Variants in GALNT13 observed in about 807,000 individuals in gnomAD.
The protein encoded by GALNT13 is polypeptide N-acetylgalactosaminyltransferase 13.
In GALNT13, 28 loss-of-function variants were observed where a neutral mutation model predicts 64.2. The observed-to-expected ratio is 0.44, with a 90% CI of 0.32 to 0.60. GALNT13 has a LOEUF of 0.60. GALNT13 is among the 20% of genes least tolerant of loss of function. The pLI is 0.05. For missense variants in GALNT13, 577 were observed against 669.8 expected (o/e 0.86, Z 1.53); for synonymous variants, 214 against 224.6 (o/e 0.95, Z 0.42).
At chr2:153,144,182 A>G in the GALNT13 span, among the ~76,000 whole-genome samples, 4 of 152,002 alleles carry the variant, frequency 2.6e-5, no homozygotes, top group East Asian at 7.8e-4. Context: ...ATCACCCTGC[A>G]TGAAAGACTG....
chr2:153,247,508 G>C, the GALNT13 span, among the ~76,000 whole-genome samples: 4 of 152,092 alleles, frequency 2.6e-5, no homozygotes, highest in Admixed American at 2.6e-4. Flanking sequence ...CAACTACATG[G>C]AAATTCAAAG....
intron 3 of GALNT13, among the ~76,000 whole-genome samples, chr2:153,966,404 C>T (rs111479745): frequency 6.7e-6 from 1 of 149,752 alleles, no homozygotes; most frequent in African/African-American, 2.5e-5. Flanking sequence ...CTTGCACTGT[C>T]GCCTAGGCTG....
chr2:154,435,885 T>A (rs1700941027), intron 11 of GALNT13: 2 of 152,156 alleles, frequency 1.3e-5, no homozygotes, highest in African/African-American at 4.8e-5. Context: ...ATTTTAATAA[T>A]GACAATTATG....
intron 2 of GALNT13, among the ~76,000 whole-genome samples, chr2:153,929,214 A>G (rs1165460284): frequency 1.3e-5 from 2 of 152,152 alleles, no homozygotes; most frequent in Non-Finnish European, 2.9e-5. Context: ...AATACCTCAC[A>G]GTACCTGCCT....
chr2:154,339,183 G>A (rs1158799945), intron 9 of GALNT13, among the ~76,000 whole-genome samples: 1 of 152,040 alleles, frequency 6.6e-6, no homozygotes, highest in African/African-American at 2.4e-5. Context: ...TACTGGTGTG[G>A]ATTTCTCATA....
Position 154,101,353 on chromosome 2 carries a change from G to C in GALNT13, c.143-38984G>C, listed in dbSNP as rs184685802. Among the ~76,000 whole-genome samples, 294 of 151,808 alleles carry C rather than the reference G, an allele frequency of 1.9e-3. 2 individuals are homozygous for C. The highest frequency in any genetic ancestry group is 6.4e-3 in the African/African-American group (267 of 41,396). On this transcript the variant is annotated intron_variant, in intron 3 of 12. Coordinates refer to ENST00000392825, the MANE Select transcript of GALNT13 (RefSeq NM_052917.4). ...AATGCTCATTCTTGCTCTTTTTAAG[G>C]TTTCTATTCCTTCTTTATTCTATCT...
chr2:153,880,670 A>G (rs1686721037), intron 1 of GALNT13, among the ~76,000 whole-genome samples: 1 of 152,176 alleles, frequency 6.6e-6, no homozygotes, highest in South Asian at 2.1e-4. Context: ...AAATAGGATT[A>G]TATATCACTT....
chr2:153,186,966 C>T, the GALNT13 span, among the ~76,000 whole-genome samples: 1 of 152,100 alleles, frequency 6.6e-6, no homozygotes, highest in Non-Finnish European at 1.5e-5. Flanking sequence ...GCTGAATTCC[C>T]TAAGTATTTG....
At chr2:153,245,761 C>T in the GALNT13 span, among the ~76,000 whole-genome samples, 7 of 152,160 alleles carry the variant, frequency 4.6e-5, no homozygotes, top group East Asian at 1.4e-3. Flanking sequence ...ATTGTAACTC[C>T]TCTCCAGCAA....
the GALNT13 span, among the ~76,000 whole-genome samples, chr2:153,641,009 A>C: frequency 1.3e-5 from 2 of 152,128 alleles, no homozygotes; most frequent in Non-Finnish European, 2.9e-5. Flanking sequence ...TATCTCTTTC[A>C]GCAGTTTTAG....
chr2:153,954,547 AAC>A, intron 3 of GALNT13, among the ~76,000 whole-genome samples: 2 of 151,734 alleles, frequency 1.3e-5, no homozygotes, highest in Non-Finnish European at 2.9e-5. Context: ...TGTCAGGAAT[AAC>A]AATTAATTAT....
intron 3 of GALNT13, among the ~76,000 whole-genome samples, chr2:154,042,763 G>C (rs923812912): frequency 4.7e-5 from 7 of 148,596 alleles, no homozygotes; most frequent in African/African-American, 1.7e-4. Context: ...TGAATGAAAG[G>C]AAACTTAAAA....
the GALNT13 span, among the ~76,000 whole-genome samples, chr2:153,142,152 A>T: frequency 6.6e-6 from 1 of 152,078 alleles, no homozygotes; most frequent in Non-Finnish European, 1.5e-5. Context: ...CAGTTCATCA[A>T]TTCTGCCATA....
chr2:154,301,483 A>C lies in GALNT13; in HGVS notation c.1050A>C (p.Pro350=). The change falls in exon 9 of 13, where the codon CCA becomes CCC. Residue 350 remains proline (P), a synonymous_variant. Transcript: ENST00000392825. Reference sequence around the variant, plus strand: ...GTCATGTTTTTCGGAAGGCAACTCCATACACTTTTCCTGGTGGCACTGGTC... The same window carrying C: ...GTCATGTTTTTCGGAAGGCAACTCCCTACACTTTTCCTGGTGGCACTGGTC... The part of the protein sequence containing the change: ...HVGHVFRKAT[P]YTFPGGTGHV... 6.2e-7 allele frequency: 1 copy of C among 1,613,954 alleles called. No individual in the cohort carries two copies. The highest frequency in any genetic ancestry group is 8.5e-7 in the Non-Finnish European group (1 of 1,179,862).
At chr2:153,079,696 G>A in the GALNT13 span, among the ~76,000 whole-genome samples, 3 of 152,148 alleles carry the variant, frequency 2.0e-5, no homozygotes, top group Non-Finnish European at 2.9e-5. Context: ...AATAATTTCA[G>A]CAGGCCCTAG....
At chr2:154,274,955 C>T (rs1691559158) in intron 8 of GALNT13, among the ~76,000 whole-genome samples, 1 of 152,020 alleles carries the variant, frequency 6.6e-6, no homozygotes, top group Non-Finnish European at 1.5e-5. Flanking sequence ...CTGAGGTGGT[C>T]TCAGAGATGG....
At chr2:154,325,826 C>T (rs1215891553) in intron 9 of GALNT13, among the ~76,000 whole-genome samples, 2 of 152,040 alleles carry the variant, frequency 1.3e-5, no homozygotes, top group Non-Finnish European at 2.9e-5. Context: ...TGGTATATAA[C>T]TAGCTTAGGC....
At chr2:154,091,844 A>C (rs1701824596) in intron 3 of GALNT13, among the ~76,000 whole-genome samples, 1 of 151,916 alleles carries the variant, frequency 6.6e-6, no homozygotes, top group South Asian at 2.1e-4. Flanking sequence ...ATATTAACTA[A>C]TGACTTTGAT....
At chr2:153,953,276 G>C (rs1301689856) in intron 3 of GALNT13, among the ~76,000 whole-genome samples, 1 of 151,994 alleles carries the variant, frequency 6.6e-6, no homozygotes, top group African/African-American at 2.4e-5. Context: ...AAATAGCAAA[G>C]CAAGAATTTC....
Sources: allele counts gnomAD v4.1 joint callset (sites outside exome capture counted in the v4.1 genomes callset), GRCh38; gene constraint gnomAD v4.1.1; transcripts MANE v1.5; gene names NCBI Gene and HGNC (gene_info 2026-07-23, HGNC 2026-07-21).